Variants in ADGRD1 observed in about 807,000 individuals in gnomAD.
ADGRD1 encodes the protein adhesion G protein-coupled receptor D1.
A neutral mutation model predicts 113.4 loss-of-function variants in ADGRD1; 77 were observed. The ratio of observed to expected loss-of-function variants is 0.68; its 90% CI spans 0.57 to 0.82. ADGRD1 has a LOEUF of 0.82. Among genes scored for constraint, ADGRD1 ranks in the 40% least tolerant of loss-of-function variants. The pLI is 0.00. For synonymous variants in ADGRD1, 474 were observed against 475.0 expected (o/e 1.00, Z 0.03); for missense variants, 1,036 against 1,139.1 (o/e 0.91, Z 1.30).
At position 131,050,073 on chromosome 12, in the gene ADGRD1, A is replaced by C. The variant is rs192616458; in HGVS notation, c.1474-26728A>C. 1.3e-5 allele frequency among the ~76,000 whole-genome samples: 2 copies of C among 152,258 alleles called. No homozygotes were observed. Among genetic ancestry groups the C allele is most frequent in the Non-Finnish European group, 2.9e-5 (2 of 68,032 alleles). ...TTCTCTTGCATAGTGCTTGGCACAT[A>C]GATTGGATACACGGGGGTCCAGGAA... On this transcript the variant is annotated intron_variant, in intron 13 of 24. Transcript: ENST00000261654. The surrounding 1 kb of genome is among the most constrained non-coding windows in gnomAD (Gnocchi z 4.8).
rs572097509 is a variant in ADGRD1 at position 131,120,911 on chromosome 12, G to A, written c.2173G>A (p.Val725Met). The change falls in exon 20 of 25, where the codon GTG becomes ATG. Residue 725 changes from valine to methionine, a missense_variant and splice_region_variant. Physicochemically the swap from Val to Met is conservative, Grantham distance 21 (BLOSUM62 1). Coordinates refer to ENST00000261654, the MANE Select transcript of ADGRD1 (RefSeq NM_198827.5). Reference sequence around the variant, plus strand: ...TGTAGCCCCTGCCCTGTTTGTCATCGTGGTACGTTTCCTACCCTTGTGGGC... The same window carrying A: ...TGTAGCCCCTGCCCTGTTTGTCATCATGGTACGTTTCCTACCCTTGTGGGC... ...AFVAPALFVI[V>M]VNIGILIAVT... 1.8e-5 allele frequency: 29 copies of A among 1,613,962 alleles called. No individual in the cohort carries two copies. The highest frequency in any genetic ancestry group is 1.2e-4 in the Admixed American group (7 of 60,018).
intron 15 of ADGRD1, among the ~76,000 whole-genome samples, chr12:131,086,428 G>A (rs564116793): frequency 2.6e-5 from 4 of 152,294 alleles, no homozygotes; most frequent in African/African-American, 9.6e-5. Context: ...ACACAGTCAC[G>A]GATCCAGCGC....
At chr12:131,121,058 C>T (rs2137416760) in intron 20 of ADGRD1, 145 bp downstream of exon 20, 1 of 699,642 alleles carries the variant, frequency 1.4e-6, no homozygotes, top group East Asian at 2.6e-5. Flanking sequence ...GCTAGGGCTC[C>T]TCTGGGCCAG....
intron 15 of ADGRD1, among the ~76,000 whole-genome samples, chr12:131,091,753 G>A (rs1593197751): frequency 6.6e-6 from 1 of 152,246 alleles, no homozygotes; most frequent in South Asian, 2.1e-4. Flanking sequence ...GCTGGGGAGA[G>A]AAAGGACTGT....
At chr12:131,087,734 C>T (rs1048602466) in intron 15 of ADGRD1, among the ~76,000 whole-genome samples, 2 of 152,240 alleles carry the variant, frequency 1.3e-5, no homozygotes, top group African/African-American at 4.8e-5. Context: ...CACGCCCCCC[C>T]CATGCCTTCC....
At chr12:130,976,365 G>A (rs1162795616) in intron 4 of ADGRD1, among the ~76,000 whole-genome samples, 3 of 152,156 alleles carry the variant, frequency 2.0e-5, no homozygotes, top group African/African-American at 7.2e-5. Context: ...AGCCTGAGCT[G>A]CCACGATGCT....
At chr12:131,077,248 G>T (rs948498674) in intron 14 of ADGRD1, among the ~76,000 whole-genome samples, 1 of 152,182 alleles carries the variant, frequency 6.6e-6, no homozygotes, top group African/African-American at 2.4e-5. Flanking sequence ...AAGGGGGTTG[G>T]GGGAGTGGCT....
In ADGRD1 at chr12:131,050,330, A is replaced by G. The variant is rs1374710704; in HGVS notation, c.1474-26471A>G. On this transcript the variant is annotated intron_variant, in intron 13 of 24. Transcript: ENST00000261654. The surrounding 1 kb of genome is among the most constrained non-coding windows in gnomAD (Gnocchi z 4.8). ...CAAGTACTCTGGAGTTGCTGGAACT[A>G]AAATTTGACTTGTGTTTTTCTAGCC... Among the ~76,000 whole-genome samples the G allele has an allele frequency of 6.6e-6, 1 of 152,204 alleles. No homozygotes were observed. Among genetic ancestry groups the G allele is most frequent in the Non-Finnish European group, 1.5e-5 (1 of 68,040 alleles).
chr12:130,955,933 C>T (rs975329146), intron 2 of ADGRD1, among the ~76,000 whole-genome samples: 2 of 152,184 alleles, frequency 1.3e-5, no homozygotes, highest in African/African-American at 2.4e-5. Context: ...GGATTACAGG[C>T]CCATGCCACC....
intron 13 of ADGRD1, among the ~76,000 whole-genome samples, chr12:131,029,900 GT>G (rs1880460993): frequency 2.0e-5 from 2 of 99,310 alleles, no homozygotes; most frequent in Admixed American, 1.0e-4. Flanking sequence ...TGGACCCCTC[GT>G]TCGGTGACAT....
intron 15 of ADGRD1, 94 bp from the exon 16 acceptor site, chr12:131,104,731 CACAGGG>C: frequency 1.4e-6 from 1 of 716,028 alleles, no homozygotes; most frequent in Non-Finnish European, 2.3e-6. Flanking sequence ...GCACCACACT[CACAGGG>C]GACCAGCTGT....
At position 130,965,284 on chromosome 12, in the gene ADGRD1, T is replaced by G. The variant is rs144284066; in HGVS notation, c.104-1179T>G. On this transcript the variant is annotated intron_variant, in intron 2 of 24. Transcript: ENST00000261654. The surrounding 1 kb of genome is among the most constrained non-coding windows in gnomAD (Gnocchi z 4.8). The stretch of plus-strand genomic sequence containing the variant: ...TTTGTTGTTTGTAATAGTGTTTCAC[T>G]GACGAAATTCTTTTCTTATTTGTAA... 1.7e-4 allele frequency among the ~76,000 whole-genome samples: 26 copies of G among 152,364 alleles called. No individual in the cohort carries two copies. The East Asian group carries it at 5.0e-3, about 29-fold the overall frequency.
rs565149218 is a variant in ADGRD1, at chr12:130,960,721, A to G, written c.104-5742A>G. On this transcript the variant is annotated intron_variant, in intron 2 of 24. Coordinates refer to ENST00000261654, the MANE Select transcript of ADGRD1 (RefSeq NM_198827.5). ...GCCCCTTGTCTTAGACATGGAGGATACAATGTAAATAGAACATTCAAGGAA... is the reference window on the plus strand; with the variant it reads ...GCCCCTTGTCTTAGACATGGAGGATGCAATGTAAATAGAACATTCAAGGAA... Among the ~76,000 whole-genome samples, 4 of 152,314 alleles carry G rather than the reference A, an allele frequency of 2.6e-5. No homozygotes were observed. In the East Asian group the frequency reaches 7.7e-4, roughly 29 times the overall value.
At chr12:130,974,723 A>G (rs1205690906) in intron 4 of ADGRD1, among the ~76,000 whole-genome samples, 4 of 152,096 alleles carry the variant, frequency 2.6e-5, no homozygotes, top group African/African-American at 9.7e-5. Flanking sequence ...TTAACAAATA[A>G]TGTTTTAGGG....
At chr12:131,001,453 T>C (rs28724301) in intron 9 of ADGRD1, among the ~76,000 whole-genome samples, 3,125 of 152,334 alleles carry the variant, frequency 0.021, 102 homozygotes, top group African/African-American at 0.071. Context: ...CACTTATATA[T>C]GTATTCAACA....
At chr12:130,964,087 A>G (rs917611608) in intron 2 of ADGRD1, among the ~76,000 whole-genome samples, 1 of 152,082 alleles carries the variant, frequency 6.6e-6, no homozygotes, top group Non-Finnish European at 1.5e-5. Flanking sequence ...CTATTTGATT[A>G]TCTCCTTTGC....
At chr12:130,978,826 A>G (rs1203104053) in intron 4 of ADGRD1, 1 of 152,258 alleles carries the variant, frequency 6.6e-6, no homozygotes, top group Non-Finnish European at 1.5e-5. Flanking sequence ...ATTAACTTCC[A>G]TGAATCCTAC....
At chr12:131,055,724 G>A (rs1281854733) in intron 13 of ADGRD1, among the ~76,000 whole-genome samples, 1 of 152,166 alleles carries the variant, frequency 6.6e-6, no homozygotes, top group Admixed American at 6.5e-5. Context: ...AGACAAAGCA[G>A]ACGAACAGAA....
chr12:131,095,001 C>T (rs1430706625), intron 15 of ADGRD1, among the ~76,000 whole-genome samples: 1 of 152,026 alleles, frequency 6.6e-6, no homozygotes, highest in Non-Finnish European at 1.5e-5. Context: ...CCTCGAGACG[C>T]CCCCTCTCAG....
Sources: allele counts gnomAD v4.1 joint callset (sites outside exome capture counted in the v4.1 genomes callset), GRCh38; gene constraint gnomAD v4.1.1; non-coding constraint Gnocchi (gnomAD v3.1); transcripts MANE v1.5; gene names NCBI Gene and HGNC (gene_info 2026-07-23, HGNC 2026-07-21).